Variants in CNTNAP2 observed in about 807,000 individuals in gnomAD.
CNTNAP2 encodes contactin-associated protein-like 2.
Under a neutral mutation model 155.2 loss-of-function variants are expected in CNTNAP2, and 98 were observed. The ratio of observed to expected loss-of-function variants is 0.63; its 90% CI spans 0.54 to 0.75. The LOEUF (loss-of-function observed/expected upper bound fraction) is 0.75. Among genes scored for constraint, CNTNAP2 ranks in the 30% least tolerant of loss-of-function variants. The pLI, the probability that CNTNAP2 is intolerant of heterozygous loss-of-function variation, is 0.00. For missense variants in CNTNAP2, 1,727 were observed against 1,688.1 expected (o/e 1.02, Z -0.40); for synonymous variants, 651 against 631.2 (o/e 1.03, Z -0.47).
chr7:146,899,264 A>G (rs897277240), intron 3 of CNTNAP2, among the ~76,000 whole-genome samples: 4 of 152,106 alleles, frequency 2.6e-5, no homozygotes, highest in African/African-American at 7.2e-5. Context: ...TCTCCATTAC[A>G]ATCCCATTTG....
intron 16 of CNTNAP2, among the ~76,000 whole-genome samples, chr7:148,122,867 A>AAAG (rs1554474593): frequency 4.0e-5 from 6 of 150,832 alleles, no homozygotes; most frequent in African/African-American, 1.5e-4. Context: ...AAAAAAAAAG[A>AAAG]AAAAAAAAGA....
At chr7:147,326,037 C>T (rs1476092311) in intron 9 of CNTNAP2, among the ~76,000 whole-genome samples, 2 of 152,128 alleles carry the variant, frequency 1.3e-5, no homozygotes, top group African/African-American at 4.8e-5. Flanking sequence ...ATTCTCCTGC[C>T]TCAGCCTCCC....
intron 13 of CNTNAP2, among the ~76,000 whole-genome samples, chr7:147,837,138 C>T (rs963268465): frequency 2.4e-4 from 36 of 152,136 alleles, no homozygotes; most frequent in African/African-American, 4.8e-4. Context: ...CTAATAAAGA[C>T]ATATCCGAGA....
At chr7:147,084,746 A>T (rs189931522) in intron 4 of CNTNAP2, among the ~76,000 whole-genome samples, 1,598 of 147,902 alleles carry the variant, frequency 0.011, 23 homozygotes, top group African/African-American at 0.036. Flanking sequence ...TATATAATGT[A>T]TATAATATGT....
chr7:146,513,726 A>G (rs1797501061), intron 1 of CNTNAP2, among the ~76,000 whole-genome samples: 1 of 151,992 alleles, frequency 6.6e-6, no homozygotes, highest in Non-Finnish European at 1.5e-5. Context: ...TTCACATTGC[A>G]ATGACAGTGT....
chr7:148,147,593 C>A lies in CNTNAP2; in HGVS notation c.2657C>A (p.Thr886Asn). 6.2e-7 allele frequency: 1 copy of A among 1,614,100 alleles called. No homozygotes were observed. Among genetic ancestry groups the A allele is most frequent in the Non-Finnish European group, 8.5e-7 (1 of 1,180,020 alleles). Residue 886 changes from threonine (T) to asparagine (N), a missense_variant, in exon 17 of 24, where the codon ACT (threonine) becomes AAT (asparagine). Physicochemically the swap from Thr to Asn is moderately conservative, Grantham distance 65. Coordinates refer to ENST00000361727, the MANE Select transcript of CNTNAP2 (RefSeq NM_014141.6). ...PLNDDQWHRVTAERNVKQASL... is the reference protein window; with the variant it reads ...PLNDDQWHRVNAERNVKQASL... ...AACGATGACCAGTGGCACCGGGTCA[C>A]TGCAGAGAGGAATGTCAAGCAGGCC...
intron 1 of CNTNAP2, among the ~76,000 whole-genome samples, chr7:146,617,517 T>A (rs1799246187): frequency 6.6e-6 from 1 of 152,252 alleles, no homozygotes; most frequent in Non-Finnish European, 1.5e-5. Flanking sequence ...TTTGGCAATT[T>A]CGAATAGCCA....
At chr7:146,181,021 G>C (rs1798542081) in intron 1 of CNTNAP2, among the ~76,000 whole-genome samples, 1 of 152,088 alleles carries the variant, frequency 6.6e-6, no homozygotes, top group African/African-American at 2.4e-5. Context: ...TTTTCCCAGG[G>C]CATAGTCTAT....
rs1017475204 is a variant in CNTNAP2, at chr7:147,971,831, A to G, written c.2256-6031A>G. 2.0e-5 allele frequency among the ~76,000 whole-genome samples: 3 copies of G among 152,288 alleles called. No individual in the cohort carries two copies. The East Asian group carries it at 5.8e-4, about 29-fold the overall frequency. On this transcript the variant is annotated intron_variant, in intron 14 of 23. Coordinates refer to ENST00000361727, the MANE Select transcript of CNTNAP2 (RefSeq NM_014141.6). ...TATCCAGAAGTAGAATTCTTGAGTC[A>G]TATGGTGTGTCTATGTTTAACTTTT...
chr7:146,505,693 T>C (rs1797373933), intron 1 of CNTNAP2, among the ~76,000 whole-genome samples: 1 of 152,234 alleles, frequency 6.6e-6, no homozygotes, highest in Non-Finnish European at 1.5e-5. Context: ...TTGGAGGGTC[T>C]GTGGCCAAAG....
chr7:147,180,980 C>T (rs1033237399), intron 8 of CNTNAP2, among the ~76,000 whole-genome samples: 35 of 151,936 alleles, frequency 2.3e-4, no homozygotes, highest in African/African-American at 7.7e-4. Flanking sequence ...ACCTAGAACA[C>T]AAAATTAAAA....
chr7:147,518,008 T>G (rs1383324515), intron 11 of CNTNAP2, among the ~76,000 whole-genome samples: 1 of 152,202 alleles, frequency 6.6e-6, no homozygotes, highest in African/African-American at 2.4e-5. Flanking sequence ...CATGGCTCAC[T>G]GCAACCTCTG....
chr7:147,020,059 A>G (rs1395660697), intron 3 of CNTNAP2, among the ~76,000 whole-genome samples: 3 of 152,140 alleles, frequency 2.0e-5, no homozygotes, highest in Non-Finnish European at 4.4e-5. Flanking sequence ...ATAGTACAGT[A>G]TATTAGTATA....
chr7:146,118,394 T>C (rs1008364538), intron 1 of CNTNAP2, among the ~76,000 whole-genome samples: 1 of 152,138 alleles, frequency 6.6e-6, no homozygotes, highest in Non-Finnish European at 1.5e-5. Flanking sequence ...AAACAAATTT[T>C]GGGGATATAA....
chr7:146,663,298 AG>A (rs60247124), intron 1 of CNTNAP2, among the ~76,000 whole-genome samples: 1,311 of 88,088 alleles, frequency 0.015, 52 homozygotes, highest in African/African-American at 0.052. Flanking sequence ...AAAAAAAAAA[AG>A]AAAGAAAGAA....
At chr7:146,860,049 G>A (rs1219073543) in intron 3 of CNTNAP2, among the ~76,000 whole-genome samples, 1 of 152,188 alleles carries the variant, frequency 6.6e-6, no homozygotes, top group Non-Finnish European at 1.5e-5. Flanking sequence ...ATTTTAAATA[G>A]AGTGGTAAAA....
chr7:147,410,657 TG>T (rs1373565839), intron 10 of CNTNAP2, among the ~76,000 whole-genome samples: 1 of 152,214 alleles, frequency 6.6e-6, no homozygotes, highest in Non-Finnish European at 1.5e-5. Context: ...TAGCCATATG[TG>T]GCTATTTCAC....
At chr7:146,305,296 G>A (rs564859409) in intron 1 of CNTNAP2, among the ~76,000 whole-genome samples, 8 of 152,188 alleles carry the variant, frequency 5.3e-5, no homozygotes, top group African/African-American at 9.6e-5. Context: ...GTCTTTCTCC[G>A]TCCAGTTTTG....
chr7:146,638,991 G>A (rs1397437249), intron 1 of CNTNAP2, among the ~76,000 whole-genome samples: 1 of 152,058 alleles, frequency 6.6e-6, no homozygotes. Context: ...TAACACTATG[G>A]TAAGTATTTG....
Sources: allele counts gnomAD v4.1 joint callset (sites outside exome capture counted in the v4.1 genomes callset), GRCh38; gene constraint gnomAD v4.1.1; transcripts MANE v1.5; gene names NCBI Gene and HGNC (gene_info 2026-07-23, HGNC 2026-07-21).